Variants in FAM217B observed in about 807,000 individuals in gnomAD.
The protein encoded by FAM217B is protein FAM217B.
For missense variants in FAM217B, 463 were observed against 456.9 expected (o/e 1.01, Z -0.12); for synonymous variants, 163 against 173.0 (o/e 0.94, Z 0.45).
At chr20:59,941,558 T>C (rs1407668421) in intron 1 of FAM217B, among the ~76,000 whole-genome samples, 1 of 152,072 alleles carries the variant, frequency 6.6e-6, no homozygotes, top group Non-Finnish European at 1.5e-5. Context: ...AATAGGCCAC[T>C]CAAAATGAGA....
At chr20:59,937,593 A>G (rs1484489072), upstream of FAM217B, 1 of 152,374 alleles carries the variant, frequency 6.6e-6, no homozygotes, top group African/African-American at 2.4e-5. Flanking sequence ...GGTGACAGGT[A>G]GCATAAAATT....
chr20:59,944,553 G>A lies in FAM217B; in HGVS notation c.610G>A (p.Gly204Ser), dbSNP rs1170666843. The stretch of plus-strand genomic sequence containing the variant: ...TGTACAGTGTGAAAAAGCAAAGGGG[G>A]GCAAAGCAAGGCCCCCCACTGCCCC... ...QTVQCEKAKG[G>S]KARPPTAPGT... is the part of the protein sequence containing the mutation. The change falls in exon 4 of 4, where the codon GGC (glycine) becomes AGC (serine). Residue 204 changes from glycine to serine, a missense_variant. Gly to Ser is a moderately conservative substitution (Grantham distance 56). Coordinates refer to ENST00000360816, the MANE Select transcript of FAM217B (RefSeq NM_022106.3). The A allele has an allele frequency of 1.2e-6, 2 of 1,613,958 alleles. No homozygotes were observed. The highest frequency in any genetic ancestry group is 2.7e-5 in the African/African-American group (2 of 74,990).
At position 59,945,286 on chromosome 20, in the gene FAM217B, T is replaced by G. The variant is rs2060930762; in HGVS notation, c.*191T>G. 3.7e-6 allele frequency: 2 copies of G among 534,072 alleles called. No homozygotes were observed. The highest frequency in any genetic ancestry group is 3.8e-5 in the African/African-American group (2 of 52,014). The allele number at this position is 534,072 out of a possible 1,614,324, so 33.1% of individuals were successfully genotyped here. Reference sequence around the variant, plus strand: ...AAAGGGAAGTGTCTTTCAATAAGCCTTTCTTTGTATTGTCAGTCTTAGGCA... The same window carrying G: ...AAAGGGAAGTGTCTTTCAATAAGCCGTTCTTTGTATTGTCAGTCTTAGGCA... On this transcript the variant is annotated 3_prime_UTR_variant, in exon 4 of 4. Coordinates refer to ENST00000360816, the MANE Select transcript of FAM217B (RefSeq NM_022106.3).
Position 59,943,928 on chromosome 20 carries a change from A to G in FAM217B, c.-4-12A>G. On this transcript the variant is annotated splice_polypyrimidine_tract_variant and intron_variant, in intron 3 of 3. Transcript: ENST00000360816. ...CATATGTGGTAAGAATTGCAGTTTT[A>G]TTTTCTCACAGCAATATGAATGCTG... 1 of 1,562,068 alleles carries G rather than the reference A, an allele frequency of 6.4e-7. No homozygotes were observed. Among genetic ancestry groups the G allele is most frequent in the Non-Finnish European group, 8.6e-7 (1 of 1,156,886 alleles).
chr20:59,942,113 T>TA (rs1382521921), intron 1 of FAM217B, 85 bp from the exon 2 acceptor site: 1 of 152,600 alleles, frequency 6.6e-6, no homozygotes, highest in Non-Finnish European at 1.5e-5. Flanking sequence ...ATACAAGTAT[T>TA]AAAAAACAAG....
At chr20:59,938,981 AG>A (rs765255477), upstream of FAM217B, 1 of 1,444,164 alleles carries the variant, frequency 6.9e-7, no homozygotes, top group Non-Finnish European at 9.1e-7. Flanking sequence ...GGGAAATGAC[AG>A]GAGGCGCAGC....
upstream of FAM217B, chr20:59,938,758 C>A (rs2060876975): frequency 3.1e-6 from 1 of 321,644 alleles, no homozygotes. Flanking sequence ...CCCCAGAGGG[C>A]CCACCCTCCC....
At chr20:59,939,882 C>T (rs1469725905), upstream of FAM217B, 3 of 1,250,720 alleles carry the variant, frequency 2.4e-6, no homozygotes, top group Admixed American at 4.1e-5. Flanking sequence ...GCCGAGCTTC[C>T]GGGATCCCAG....
At chr20:59,939,199 AG>A (rs1350459415), upstream of FAM217B, 1 of 1,608,808 alleles carries the variant, frequency 6.2e-7, no homozygotes, top group Non-Finnish European at 8.5e-7. Context: ...TCCAGCAGGA[AG>A]GGCGGTACTG....
Position 59,944,723 on chromosome 20 carries a change from A to G in FAM217B, c.780A>G (p.Ser260=). ...KAFHHEEIHP[S]HYAFETSPRP... is the part of the protein sequence containing the mutation. Reference sequence around the variant, plus strand: ...TTCACCATGAAGAAATCCACCCATCACATTATGCATTTGAGACTTCCCCTA... The same window carrying G: ...TTCACCATGAAGAAATCCACCCATCGCATTATGCATTTGAGACTTCCCCTA... Residue 260 remains serine (S), a synonymous_variant, in exon 4 of 4, where the codon TCA becomes TCG. Transcript: ENST00000360816. 1.2e-6 allele frequency: 2 copies of G among 1,614,192 alleles called. No individual in the cohort carries two copies. Among genetic ancestry groups the G allele is most frequent in the Non-Finnish European group, 1.7e-6 (2 of 1,180,044 alleles).
At chr20:59,939,500 G>A (rs1277098821), upstream of FAM217B, 4 of 1,612,096 alleles carry the variant, frequency 2.5e-6, no homozygotes, top group East Asian at 4.5e-5. Context: ...GGTCCTGGCT[G>A]CTGCAGCACA....
At chr20:59,939,952 G>A (rs765343357), upstream of FAM217B, 6 of 1,262,222 alleles carry the variant, frequency 4.8e-6, no homozygotes, top group East Asian at 3.1e-5. Flanking sequence ...GCCGTCGGAA[G>A]ATGAGGCAGG....
rs2060920155 is a variant in FAM217B, at chr20:59,943,967, TA to T, written c.27del (p.Val10CysfsTer73). The T allele has an allele frequency of 3.7e-6, 6 of 1,605,084 alleles. No individual in the cohort carries two copies. Among genetic ancestry groups the T allele is most frequent in the Non-Finnish European group, 4.2e-6 (5 of 1,176,974 alleles). On this transcript the variant is annotated frameshift_variant, in exon 4 of 4. Transcript: ENST00000360816. LOFTEE classifies it low-confidence loss of function (END_TRUNC). ...ATATGAATGCTGGCCCATCTTGGAA[TA>T]AAGTGCAACATTCAAAGAATTCTTC... Reference protein sequence around the residue: MNAGPSWNKVQHSKNSSGK... With the variant: MNAGPSWNXVQHSKNSSGK...
chr20:59,938,773 A>C, upstream of FAM217B: 3 of 327,474 alleles, frequency 9.2e-6, no homozygotes, highest in East Asian at 4.9e-5. Context: ...CCTCCCATGC[A>C]CCTACCCCAC....
Position 59,944,133 on chromosome 20 carries a change from G to A in FAM217B, c.190G>A (p.Gly64Ser), listed in dbSNP as rs368045954. ...PEARRKRNPL[G>S]SRCQGASGNK... ...AGCAAGACGCAAAAGGAATCCACTC[G>A]GTTCCAGGTGTCAGGGGGCCTCAGG... is the stretch of plus-strand genomic sequence containing the variant. Residue 64 changes from glycine to serine, a missense_variant, in exon 4 of 4, where the codon GGT becomes AGT. Physicochemically the swap from Gly to Ser is moderately conservative, Grantham distance 56 (BLOSUM62 0). Coordinates refer to ENST00000360816, the MANE Select transcript of FAM217B (RefSeq NM_022106.3). 8 of 1,613,898 alleles carry A rather than the reference G, an allele frequency of 5.0e-6. No homozygotes were observed. The highest frequency in any genetic ancestry group is 1.7e-5 in the Admixed American group (1 of 59,982).
chr20:59,937,786 G>A (rs1601038662), upstream of FAM217B: 1 of 151,932 alleles, frequency 6.6e-6, no homozygotes, highest in East Asian at 1.9e-4. Context: ...ACTCAGCAGG[G>A]GACAGTGGTC....
upstream of FAM217B, among the ~76,000 whole-genome samples, chr20:59,935,396 G>C (rs1211997999): frequency 6.6e-6 from 1 of 152,152 alleles, no homozygotes; most frequent in African/African-American, 2.4e-5. Flanking sequence ...AGAAAAAAAG[G>C]ATATCATTAA....
At chr20:59,933,801 C>G (rs1275248959) in exon 1 of FAM217B, 3 of 150,348 alleles carry the variant, frequency 2.0e-5, no homozygotes, top group Admixed American at 6.6e-5. Flanking sequence ...CGGGGTCGCC[C>G]GAGGCCTGAG....
upstream of FAM217B, chr20:59,940,256 C>G: frequency 4.6e-6 from 1 of 216,624 alleles, no homozygotes; most frequent in Non-Finnish European, 9.9e-6. Flanking sequence ...GGCTGCGTTC[C>G]GGGAGCGGCC....
Sources: gnomAD v4.1 joint callset for allele counts (sites outside exome capture counted in the v4.1 genomes callset) on GRCh38, gnomAD v4.1.1 for gene constraint, MANE v1.5 for transcripts, NCBI Gene and HGNC (gene_info 2026-07-23, HGNC 2026-07-21) for gene names.